The following PTPRD variants were observed in gnomAD, a reference collection of about 807,000 sequenced individuals.
PTPRD encodes protein tyrosine phosphatase receptor type D, also known as receptor-type tyrosine-protein phosphatase delta.
Under a neutral mutation model 214.5 loss-of-function variants are expected in PTPRD, and 34 were observed. The observed-to-expected ratio is 0.16, with a 90% CI of 0.12 to 0.21. The LOEUF (loss-of-function observed/expected upper bound fraction) is 0.21, where lower values mean the gene tolerates loss of function less well. PTPRD is among the 10% of genes least tolerant of loss of function. The pLI is 1.00. For synonymous variants in PTPRD, 1,128 were observed against 845.7 expected (o/e 1.33, Z -5.79); for missense variants, 2,545 against 2,398.7 (o/e 1.06, Z -1.27).
At chr9:10,070,989 T>C (rs1445958976) in intron 3 of PTPRD, among the ~76,000 whole-genome samples, 5 of 152,014 alleles carry the variant, frequency 3.3e-5, no homozygotes, top group Non-Finnish European at 1.5e-5. Flanking sequence ...AAATGAACAA[T>C]TTGAATTTCA....
intron 11 of PTPRD, among the ~76,000 whole-genome samples, chr9:8,938,343 T>C (rs2099010845): frequency 6.6e-6 from 1 of 151,910 alleles, no homozygotes; most frequent in Admixed American, 6.6e-5. Context: ...CAGAAATGAA[T>C]TCAAAACACA....
chr9:10,325,460 G>T (rs1332080199), intron 3 of PTPRD, among the ~76,000 whole-genome samples: 1 of 151,796 alleles, frequency 6.6e-6, no homozygotes, highest in Non-Finnish European at 1.5e-5. Flanking sequence ...TAACCCTACT[G>T]TCTTTATAAA....
chr9:9,496,522 T>TACA (rs1279383159), intron 8 of PTPRD, among the ~76,000 whole-genome samples: 2 of 152,016 alleles, frequency 1.3e-5, no homozygotes, highest in African/African-American at 4.8e-5. Flanking sequence ...TACAATGAGA[T>TACA]ATGGTAACAC....
intron 5 of PTPRD, among the ~76,000 whole-genome samples, chr9:9,818,690 G>T (rs554481159): frequency 5.9e-5 from 9 of 152,074 alleles, no homozygotes; most frequent in African/African-American, 1.9e-4. Context: ...GGCCGAGATG[G>T]GTGGACCACG....
At chr9:9,929,489 G>A (rs1458039130) in intron 5 of PTPRD, among the ~76,000 whole-genome samples, 1 of 152,274 alleles carries the variant, frequency 6.6e-6, no homozygotes, top group South Asian at 2.1e-4. Flanking sequence ...TGCCTCCTGG[G>A]TTCAAACGAT....
intron 7 of PTPRD, among the ~76,000 whole-genome samples, chr9:9,646,924 A>G (rs2096202633): frequency 1.3e-5 from 2 of 152,204 alleles, no homozygotes; most frequent in Admixed American, 6.5e-5. Flanking sequence ...GTTGGCTGAA[A>G]CTATGGAAAG....
chr9:10,575,116 A>G (rs984715777), intron 2 of PTPRD, among the ~76,000 whole-genome samples: 6 of 151,940 alleles, frequency 3.9e-5, no homozygotes, highest in African/African-American at 1.4e-4. Context: ...ATCACTGGCT[A>G]TTTTCACTTG....
chr9:8,343,656 T>C (rs1359193465), intron 39 of PTPRD, among the ~76,000 whole-genome samples: 2 of 151,992 alleles, frequency 1.3e-5, no homozygotes, highest in Non-Finnish European at 2.9e-5. Flanking sequence ...AATACCCCTT[T>C]ACTACAATTC....
intron 2 of PTPRD, among the ~76,000 whole-genome samples, chr9:10,567,311 C>G (rs2065923153): frequency 6.6e-6 from 1 of 152,078 alleles, no homozygotes; most frequent in Non-Finnish European, 1.5e-5. Context: ...AGGAAAAAAT[C>G]TATCACATAT....
intron 30 of PTPRD, among the ~76,000 whole-genome samples, chr9:8,483,477 G>A (rs1053520331): frequency 6.6e-6 from 1 of 152,094 alleles, no homozygotes; most frequent in East Asian, 1.9e-4. Flanking sequence ...TAGTAGCCGG[G>A]CGCGGTGGCT....
At position 9,756,175 on chromosome 9, in the gene PTPRD, C is replaced by T. The variant is rs955033532; in HGVS notation, c.-326+10635G>A. 3.3e-5 allele frequency among the ~76,000 whole-genome samples: 5 copies of T among 152,124 alleles called. No individual in the cohort carries two copies. The East Asian group carries it at 7.7e-4, about 23-fold the overall frequency. ...GCCACTTTAGAAAAAAATATTCTGA[C>T]GAACGACAGAGATGAACATAAATTC... On this transcript the variant is annotated intron_variant, in intron 6 of 45. Transcript: ENST00000381196.
Position 10,197,430 on chromosome 9 carries a change from G to A in PTPRD, c.-545+143533C>T, listed in dbSNP as rs1593876125. Among the ~76,000 whole-genome samples the A allele has an allele frequency of 1.3e-5, 2 of 152,158 alleles. 1 individual carries two copies. The highest frequency in any genetic ancestry group is 6.8e-3 in the Middle Eastern group (2 of 294). ...AGAATTGCTTTCCTTTCTCTTACAA[G>A]ACATTAAAAACTTTGCTTGGACAAT... On this transcript the variant is annotated intron_variant, in intron 3 of 45. Transcript: ENST00000381196.
At chr9:9,830,920 A>G (rs2054614561) in intron 5 of PTPRD, among the ~76,000 whole-genome samples, 1 of 151,914 alleles carries the variant, frequency 6.6e-6, no homozygotes, top group South Asian at 2.1e-4. Flanking sequence ...CGTAAAATGT[A>G]TTGTAGGTAT....
intron 31 of PTPRD, among the ~76,000 whole-genome samples, chr9:8,468,652 A>C (rs923184465): frequency 3.9e-5 from 6 of 151,934 alleles, no homozygotes; most frequent in Non-Finnish European, 8.8e-5. Context: ...CATTCTATTC[A>C]ATGATATGGT....
At chr9:10,356,177 C>T (rs2097273831) in intron 2 of PTPRD, among the ~76,000 whole-genome samples, 1 of 151,032 alleles carries the variant, frequency 6.6e-6, no homozygotes. Flanking sequence ...TGGCCACAGG[C>T]TAGTGTGGCT....
intron 7 of PTPRD, among the ~76,000 whole-genome samples, chr9:9,640,362 G>T (rs1417295097): frequency 6.6e-6 from 1 of 152,134 alleles, no homozygotes; most frequent in African/African-American, 2.4e-5. Context: ...ATGCATTTAG[G>T]GAGAGACCCT....
chr9:10,609,817 ATGT>A (rs2080478197), intron 2 of PTPRD, among the ~76,000 whole-genome samples: 1 of 152,136 alleles, frequency 6.6e-6, no homozygotes, highest in Non-Finnish European at 1.5e-5. Context: ...ATATAAGACC[ATGT>A]GGTCAACAAA....
At chr9:9,449,612 C>T (rs544910438) in intron 8 of PTPRD, among the ~76,000 whole-genome samples, 20 of 152,098 alleles carry the variant, frequency 1.3e-4, no homozygotes, top group Non-Finnish European at 2.8e-4. Context: ...TCCTTGCAAA[C>T]ATATAGTGTG....
intron 10 of PTPRD, among the ~76,000 whole-genome samples, chr9:9,113,071 C>G (rs538741826): frequency 6.6e-6 from 1 of 151,516 alleles, no homozygotes; most frequent in Non-Finnish European, 1.5e-5. Flanking sequence ...CCCAAGTGAT[C>G]CTCCTCCCTC....
Sources: allele counts gnomAD v4.1 joint callset (sites outside exome capture counted in the v4.1 genomes callset), GRCh38; gene constraint gnomAD v4.1.1; transcripts MANE v1.5; gene names NCBI Gene and HGNC (gene_info 2026-07-23, HGNC 2026-07-21).